Variants in PPM1H observed in about 807,000 individuals in gnomAD.
PPM1H encodes protein phosphatase 1H.
PPM1H carries 27 observed loss-of-function variants against 54.9 expected under a neutral mutation model. That is an observed-to-expected ratio of 0.49 (90% CI 0.36 to 0.68). The LOEUF (loss-of-function observed/expected upper bound fraction) is 0.68. Ranked by LOEUF, PPM1H falls within the 30% of genes least tolerant of loss-of-function variation. PPM1H has a pLI of 0.00. For synonymous variants in PPM1H, 305 were observed against 270.8 expected (o/e 1.13, Z -1.24); for missense variants, 596 against 667.8 (o/e 0.89, Z 1.19).
intron 4 of PPM1H, among the ~76,000 whole-genome samples, chr12:62,741,125 G>A (rs748476220): frequency 2.0e-5 from 3 of 151,756 alleles, no homozygotes; most frequent in African/African-American, 7.3e-5. Flanking sequence ...CTCTATCTCC[G>A]GGAACCAAAC....
At chr12:62,771,689 C>T (rs2076580974) in intron 4 of PPM1H, among the ~76,000 whole-genome samples, 1 of 152,198 alleles carries the variant, frequency 6.6e-6, no homozygotes, top group African/African-American at 2.4e-5. Flanking sequence ...TGATAACTAG[C>T]ATTTATTAGG....
chr12:62,802,569 CT>C (rs34384026), intron 2 of PPM1H, among the ~76,000 whole-genome samples: 27,111 of 145,056 alleles, frequency 0.19, 2,502 homozygotes, highest in South Asian at 0.26. Flanking sequence ...TAACTCCCGT[CT>C]TTTTTTTTTT....
chr12:62,851,417 C>T (rs899086500), intron 1 of PPM1H, among the ~76,000 whole-genome samples: 20 of 152,142 alleles, frequency 1.3e-4, no homozygotes, highest in African/African-American at 4.6e-4. Flanking sequence ...AACTAAATTG[C>T]TAGGGCTGGG....
At chr12:62,898,988 G>A (rs1871079136) in intron 1 of PPM1H, among the ~76,000 whole-genome samples, 1 of 152,138 alleles carries the variant, frequency 6.6e-6, no homozygotes, top group Non-Finnish European at 1.5e-5. Flanking sequence ...GAGTGGTTAG[G>A]GGATGTTGAT....
intron 1 of PPM1H, among the ~76,000 whole-genome samples, chr12:62,847,601 A>G (rs1869023424): frequency 6.6e-6 from 1 of 152,232 alleles, no homozygotes; most frequent in Non-Finnish European, 1.5e-5. Flanking sequence ...GCTAAGAGGT[A>G]AAAGACAACA....
chr12:62,731,046 T>A (rs1053391075), intron 5 of PPM1H, among the ~76,000 whole-genome samples: 2 of 152,218 alleles, frequency 1.3e-5, no homozygotes, highest in Non-Finnish European at 2.9e-5. Flanking sequence ...CTTGTATATA[T>A]AAGCTATTAC....
At chr12:62,658,110 C>T (rs1219787605) in intron 9 of PPM1H, among the ~76,000 whole-genome samples, 1 of 144,312 alleles carries the variant, frequency 6.9e-6, no homozygotes, top group Non-Finnish European at 1.5e-5. Context: ...CTCACACCTG[C>T]AATCCCAGCA....
intron 8 of PPM1H, among the ~76,000 whole-genome samples, chr12:62,672,368 AC>A (rs1373630216): frequency 1.3e-5 from 2 of 152,224 alleles, no homozygotes; most frequent in Admixed American, 6.5e-5. Context: ...CAAACAGCAC[AC>A]TGGCCCTGAA....
intron 9 of PPM1H, among the ~76,000 whole-genome samples, chr12:62,660,135 C>T (rs1363774419): frequency 1.3e-5 from 2 of 152,194 alleles, no homozygotes; most frequent in African/African-American, 2.4e-5. Context: ...TAGAACAGCT[C>T]CCAGCTGGGA....
chr12:62,792,967 A>G (rs1003204746), intron 3 of PPM1H, among the ~76,000 whole-genome samples: 4 of 152,224 alleles, frequency 2.6e-5, no homozygotes, highest in African/African-American at 9.7e-5. Flanking sequence ...AATATTCTAC[A>G]TAATAAATAA....
intron 1 of PPM1H, among the ~76,000 whole-genome samples, chr12:62,886,218 C>T (rs1265171689): frequency 3.3e-5 from 5 of 152,156 alleles, no homozygotes; most frequent in Admixed American, 2.0e-4. Flanking sequence ...CCATGACTAT[C>T]TTTAGTAAGC....
intron 8 of PPM1H, among the ~76,000 whole-genome samples, chr12:62,669,219 C>T (rs994141643): frequency 1.3e-5 from 2 of 152,216 alleles, no homozygotes; most frequent in African/African-American, 4.8e-5. Context: ...CAGAAAGTCC[C>T]AAATGTCAGA....
At chr12:62,828,855 A>G (rs1868320285) in intron 2 of PPM1H, among the ~76,000 whole-genome samples, 1 of 152,146 alleles carries the variant, frequency 6.6e-6, no homozygotes, top group Admixed American at 6.5e-5. Context: ...AAAATGCTCA[A>G]CATCACTAAT....
At chr12:62,847,852 A>G (rs1362591698) in intron 1 of PPM1H, among the ~76,000 whole-genome samples, 1 of 152,172 alleles carries the variant, frequency 6.6e-6, no homozygotes, top group Non-Finnish European at 1.5e-5. Flanking sequence ...AAAAAAAACA[A>G]ATCATCACTC....
intron 4 of PPM1H, among the ~76,000 whole-genome samples, chr12:62,768,363 T>C (rs919411221): frequency 6.6e-6 from 1 of 151,966 alleles, no homozygotes; most frequent in African/African-American, 2.4e-5. Context: ...CAATCCGGGA[T>C]GTGAAGAGAA....
intron 3 of PPM1H, among the ~76,000 whole-genome samples, chr12:62,791,200 C>T (rs1009708410): frequency 6.6e-6 from 1 of 152,108 alleles, no homozygotes; most frequent in Non-Finnish European, 1.5e-5. Context: ...TAAGCAGAAA[C>T]CCATGCTTCA....
At chr12:62,904,841 T>C (rs1020942760) in intron 1 of PPM1H, among the ~76,000 whole-genome samples, 1 of 152,200 alleles carries the variant, frequency 6.6e-6, no homozygotes. Flanking sequence ...GTATATGAAA[T>C]ATTAATTTCT....
Position 62,724,389 on chromosome 12 carries a change from T to C in PPM1H, c.955-4100A>G, listed in dbSNP as rs558294810. On this transcript the variant is annotated intron_variant, in intron 5 of 9. Transcript: ENST00000228705. Reference sequence around the variant, plus strand: ...ACAGGAGGATGAGTGGGCCCTTTGATGGTGCTTTAAACCAGGGACCCTTGG... The same window carrying C: ...ACAGGAGGATGAGTGGGCCCTTTGACGGTGCTTTAAACCAGGGACCCTTGG... 1.2e-4 allele frequency among the ~76,000 whole-genome samples: 19 copies of C among 152,346 alleles called. No homozygotes were observed. The South Asian group carries it at 3.5e-3, about 28-fold the overall frequency.
Position 62,667,347 on chromosome 12 carries a change from T to C in PPM1H, c.1246-18A>G, listed in dbSNP as rs752146448. 1 of 1,533,326 alleles carries C rather than the reference T, an allele frequency of 6.5e-7. No homozygotes were observed. The highest frequency in any genetic ancestry group is 2.3e-5 in the East Asian group (1 of 43,474). The allele number at this position is 1,533,326 out of a possible 1,614,324, so 95.0% of individuals were successfully genotyped here. ...ATTCTTACCTGAAAAAAAACAAGAA[T>C]ACTACCACTTAAGAAATTGGAAGCA... is the stretch of plus-strand genomic sequence containing the variant. On this transcript the variant is annotated intron_variant, in intron 8 of 9. Coordinates refer to ENST00000228705, the MANE Select transcript of PPM1H (RefSeq NM_020700.2).
Sources: allele counts gnomAD v4.1 joint callset (sites outside exome capture counted in the v4.1 genomes callset), GRCh38; gene constraint gnomAD v4.1.1; transcripts MANE v1.5; gene names NCBI Gene and HGNC (gene_info 2026-07-23, HGNC 2026-07-21).